The following PACC1 variants were observed in gnomAD, a reference collection of about 807,000 sequenced individuals.
The protein encoded by PACC1 is proton activated chloride channel 1.
Under a neutral mutation model 39.7 loss-of-function variants are expected in PACC1, and 34 were observed. That is an observed-to-expected ratio of 0.86 (90% CI 0.65 to 1.14). The LOEUF (loss-of-function observed/expected upper bound fraction) is 1.14. PACC1 is among the 50% of genes most tolerant of loss of function. The pLI is 0.00. For synonymous variants in PACC1, 127 were observed against 160.6 expected (o/e 0.79, Z 1.58); for missense variants, 379 against 436.4 (o/e 0.87, Z 1.17).
chr1:212,369,650 G>A (rs558626559), intron 7 of PACC1, among the ~76,000 whole-genome samples: 26 of 152,128 alleles, frequency 1.7e-4, no homozygotes, highest in East Asian at 5.8e-4. Context: ...GTGTGGTGGC[G>A]CATGCCTGTA....
chr1:212,392,344 C>T (rs1170652597), intron 2 of PACC1, among the ~76,000 whole-genome samples: 1 of 152,116 alleles, frequency 6.6e-6, no homozygotes, highest in Non-Finnish European at 1.5e-5. Flanking sequence ...CCAAACTAAG[C>T]TTCATAAGTG....
At chr1:212,368,674 TAAA>T (rs374203801) in intron 7 of PACC1, among the ~76,000 whole-genome samples, 3 of 143,938 alleles carry the variant, frequency 2.1e-5, no homozygotes, top group African/African-American at 7.7e-5. Flanking sequence ...AATACACAAA[TAAA>T]AAAAAAAGAA....
intron 2 of PACC1, chr1:212,410,221 T>C (rs558846345): frequency 3.5e-6 from 2 of 579,260 alleles, no homozygotes; most frequent in Admixed American, 5.7e-5. Context: ...GTGGCTCAAA[T>C]TGGAGTTAAG....
At chr1:212,397,178 TA>T (rs996092907) in intron 2 of PACC1, among the ~76,000 whole-genome samples, 1 of 151,530 alleles carries the variant, frequency 6.6e-6, no homozygotes, top group African/African-American at 2.4e-5. Context: ...AAAAGCTACT[TA>T]AAAAAAATTA....
intron 2 of PACC1, among the ~76,000 whole-genome samples, chr1:212,406,035 G>A (rs558903805): frequency 4.1e-5 from 6 of 146,384 alleles, no homozygotes; most frequent in East Asian, 2.0e-4. Flanking sequence ...TCAACTACTC[G>A]GGAGGCTGAA....
intron 7 of PACC1, among the ~76,000 whole-genome samples, chr1:212,368,941 A>G (rs555074888): frequency 6.6e-6 from 1 of 151,330 alleles, no homozygotes; most frequent in Non-Finnish European, 1.5e-5. Flanking sequence ...CTGAGGTAGG[A>G]GAATGGTGTG....
chr1:212,393,758 A>C (rs1480783396), intron 2 of PACC1, among the ~76,000 whole-genome samples: 1 of 152,228 alleles, frequency 6.6e-6, no homozygotes, highest in African/African-American at 2.4e-5. Context: ...AGGGGATATC[A>C]CCACCGATCT....
intron 4 of PACC1, 98 bp downstream of exon 4, chr1:212,385,176 G>A: frequency 7.2e-7 from 1 of 1,393,558 alleles, no homozygotes; most frequent in Non-Finnish European, 1.0e-6. Context: ...CACTGAGTGA[G>A]TGGAAGAAGG....
intron 7 of PACC1, among the ~76,000 whole-genome samples, chr1:212,369,670 A>G (rs1660373221): frequency 6.6e-6 from 1 of 152,110 alleles, no homozygotes; most frequent in South Asian, 2.1e-4. Flanking sequence ...AATCTCAGCT[A>G]CTTGGGAGCC....
At chr1:212,380,348 C>T (rs1660832959) in intron 4 of PACC1, among the ~76,000 whole-genome samples, 1 of 152,174 alleles carries the variant, frequency 6.6e-6, no homozygotes. Flanking sequence ...ATCTTTTCTT[C>T]CAGTCTGTCA....
chr1:212,381,675 CAG>C (rs1236263777), intron 4 of PACC1, among the ~76,000 whole-genome samples: 5 of 99,036 alleles, frequency 5.0e-5, no homozygotes, highest in South Asian at 4.4e-4. Context: ...GGCATGTGCA[CAG>C]ACACACACAC....
intron 7 of PACC1, among the ~76,000 whole-genome samples, chr1:212,367,073 C>A (rs954333002): frequency 5.3e-5 from 8 of 152,068 alleles, no homozygotes; most frequent in African/African-American, 1.9e-4. Context: ...TCCAATTATT[C>A]CTCCCCTTCC....
intron 7 of PACC1, among the ~76,000 whole-genome samples, chr1:212,368,209 C>A (rs554757323): frequency 6.6e-6 from 1 of 152,260 alleles, no homozygotes; most frequent in East Asian, 1.9e-4. Context: ...ACTGACTACA[C>A]GCTTAGGGAA....
At chr1:212,376,561 A>G (rs1051768970) in intron 6 of PACC1, among the ~76,000 whole-genome samples, 1 of 152,210 alleles carries the variant, frequency 6.6e-6, no homozygotes, top group African/African-American at 2.4e-5. Context: ...GCCAGATAAG[A>G]AAGGACTTGA....
At position 212,414,877 on chromosome 1, in the gene PACC1, C is replaced by G; in HGVS notation, c.-120G>C. 1.5e-6 allele frequency: 2 copies of G among 1,333,936 alleles called. No individual in the cohort carries two copies. The highest frequency in any genetic ancestry group is 2.6e-5 in the South Asian group (2 of 76,890). 82.6% of individuals were successfully genotyped at this position (1,333,936 alleles called of 1,614,324 possible). A position where few individuals can be genotyped will look rare whatever the true frequency, so the allele number is the denominator to read the frequency against. On this transcript the variant is annotated 5_prime_UTR_variant, in exon 1 of 8. Transcript: ENST00000261455. ...GCGAGGCGAAACCGGTCCGGAGGGG[C>G]GTCCCAGAGACCAGGCGTGGCGATA... is the stretch of plus-strand genomic sequence containing the variant.
At chr1:212,391,903 T>A (rs969365530) in intron 2 of PACC1, among the ~76,000 whole-genome samples, 14 of 151,980 alleles carry the variant, frequency 9.2e-5, no homozygotes, top group Non-Finnish European at 1.8e-4. Context: ...AAAAAGAATT[T>A]AAAAAAACGA....
intron 7 of PACC1, 50 bp from the exon 8 acceptor site, chr1:212,365,426 ATTCTTTTTTT>A: frequency 1.0e-6 from 1 of 967,338 alleles, no homozygotes; most frequent in Non-Finnish European, 1.5e-6. Context: ...TTCAGTCTTG[ATTCTTTTTTT>A]TTTTTTTTTT....
At chr1:212,384,933 C>A (rs951329997) in intron 4 of PACC1, among the ~76,000 whole-genome samples, 5 of 152,256 alleles carry the variant, frequency 3.3e-5, no homozygotes, top group African/African-American at 1.2e-4. Flanking sequence ...AGTATCCTGG[C>A]AATTCTGTCA....
Position 212,377,543 on chromosome 1 carries a change from C to T in PACC1, c.783+19G>A. 1 of 1,613,318 alleles carries T rather than the reference C, an allele frequency of 6.2e-7. No individual in the cohort carries two copies. The highest frequency in any genetic ancestry group is 8.5e-7 in the Non-Finnish European group (1 of 1,179,588). On this transcript the variant is annotated intron_variant, in intron 6 of 7. Coordinates refer to ENST00000261455, the MANE Select transcript of PACC1 (RefSeq NM_018252.3). ...TGGAAAAGTCACCAGCAGTTTCAAG[C>T]AAACCCAGAGCCACCTACCTCCTGC...
Sources: gnomAD v4.1 joint callset for allele counts (sites outside exome capture counted in the v4.1 genomes callset) on GRCh38, gnomAD v4.1.1 for gene constraint, MANE v1.5 for transcripts, NCBI Gene and HGNC (gene_info 2026-07-23, HGNC 2026-07-21) for gene names.